Variants in SPG11 observed in about 807,000 individuals in gnomAD.
The protein encoded by SPG11 is SPG11 vesicle trafficking associated, spatacsin, also known as spatacsin.
A neutral mutation model predicts 274.0 loss-of-function variants in SPG11; 222 were observed. The ratio of observed to expected loss-of-function variants is 0.81; its 90% CI spans 0.73 to 0.91. The LOEUF is 0.91. Ranked by LOEUF, SPG11 falls within the 40% of genes least tolerant of loss-of-function variation. SPG11 has a pLI of 0.00. For synonymous variants in SPG11, 1,144 were observed against 1,039.7 expected, an observed-to-expected ratio of 1.10 and a Z score of -1.93; for missense variants, 3,114 against 2,872.7, an observed-to-expected ratio of 1.08 and a Z score of -1.92.
At position 44,566,269 on chromosome 15, in the gene SPG11, AGTT is replaced by A. The variant is rs1384234762; in HGVS notation, c.6788_6790del (p.Gln2263del). 5 of 1,614,088 alleles carry A rather than the reference AGTT, an allele frequency of 3.1e-6. No individual in the cohort carries two copies. Among genetic ancestry groups the A allele is most frequent in the African/African-American group, 2.7e-5 (2 of 74,936 alleles). On this transcript the variant is annotated inframe_deletion, in exon 37 of 40. Coordinates refer to ENST00000261866, the MANE Select transcript of SPG11 (RefSeq NM_025137.4). ...CATCAGAGTCAGGGCCTTCAGCAGC[AGTT>A]GTTTCAGCTGGTGCCCATCCTTGAG...
chr15:44,636,591 G>T (rs142114724), intron 7 of SPG11, among the ~76,000 whole-genome samples: 1 of 151,844 alleles, frequency 6.6e-6, no homozygotes, highest in Non-Finnish European at 1.5e-5. Flanking sequence ...GAACCTGGGC[G>T]GCGGAGCTTG....
intron 36 of SPG11, among the ~76,000 whole-genome samples, chr15:44,566,774 A>C (rs1328727015): frequency 6.6e-6 from 1 of 152,080 alleles, no homozygotes; most frequent in East Asian, 1.9e-4. Context: ...ATCTTGGCTC[A>C]CTGCAACCTC....
In SPG11 at chr15:44,663,560, AC is replaced by A; in HGVS notation, c.87del (p.Leu30TrpfsTer28). The A allele has an allele frequency of 6.3e-7, 1 of 1,597,738 alleles. No homozygotes were observed. Among genetic ancestry groups the A allele is most frequent in the South Asian group, 1.1e-5 (1 of 89,316 alleles). ...ATCGCCTCGGCGGGGACTGGCACCA[AC>A]AGCATCGGTAGAACCCGCCCCATGG... ...TAAMGRVLPM[L>X]LVPVPAEAMG... On this transcript the variant is annotated frameshift_variant, in exon 1 of 40. Transcript: ENST00000261866. LOFTEE classifies it high-confidence loss of function.
At chr15:44,642,364 C>CAAAAAAAA (rs36011354) in intron 7 of SPG11, among the ~76,000 whole-genome samples, 3 of 44,340 alleles carry the variant, frequency 6.8e-5, no homozygotes, top group Non-Finnish European at 1.1e-4. Context: ...GACTCCATCT[C>CAAAAAAAA]AAAAAAAAAA....
Position 44,567,156 on chromosome 15 carries a change from C to G in SPG11, c.6754+268G>C, listed in dbSNP as rs148202668. On this transcript the variant is annotated intron_variant, in intron 36 of 39. Transcript: ENST00000261866. Reference sequence around the variant, plus strand: ...CACCAGGTCAGGAGTTCAAGACCAGCCTGGCCAACATAGTCAAACCCCATC... The same window carrying G: ...CACCAGGTCAGGAGTTCAAGACCAGGCTGGCCAACATAGTCAAACCCCATC... Among the ~76,000 whole-genome samples, 347 of 152,042 alleles carry G rather than the reference C, an allele frequency of 2.3e-3. 2 individuals are homozygous for G. The highest frequency in any genetic ancestry group is 7.9e-3 in the African/African-American group (326 of 41,514).
intron 17 of SPG11, among the ~76,000 whole-genome samples, chr15:44,612,746 A>C (rs1035284804): frequency 2.2e-4 from 34 of 151,932 alleles, no homozygotes; most frequent in Non-Finnish European, 1.3e-4. Context: ...TTTTTTTAAC[A>C]ATGAACATAT....
chr15:44,628,800 A>G lies in SPG11; in HGVS notation c.1936T>C (p.Tyr646His). Reference protein sequence around the residue: ...LQKGVNILTSYINELRTFMIK... With the variant: ...LQKGVNILTSHINELRTFMIK... ...ATGAAGGTTCGAAGTTCATTAATGT[A>G]GCTAGTCAAAATGTTCACTCCTTTT... The change falls in exon 10 of 40, where the codon TAC becomes CAC. Residue 646 changes from tyrosine to histidine, a missense_variant. Transcript: ENST00000261866. The G allele has an allele frequency of 1.2e-6, 2 of 1,613,664 alleles. No individual in the cohort carries two copies. Among genetic ancestry groups the G allele is most frequent in the Non-Finnish European group, 1.7e-6 (2 of 1,179,944 alleles).
At chr15:44,624,378 C>T (rs1019838257) in intron 11 of SPG11, among the ~76,000 whole-genome samples, 9 of 151,228 alleles carry the variant, frequency 6.0e-5, no homozygotes, top group African/African-American at 2.2e-4. Flanking sequence ...TTTTAAACAA[C>T]ATGGCTGAAC....
chr15:44,597,586 C>G (rs1595862318), intron 23 of SPG11, among the ~76,000 whole-genome samples: 2 of 152,190 alleles, frequency 1.3e-5, no homozygotes, highest in South Asian at 4.1e-4. Context: ...ATTTCTCTTG[C>G]TCTATTCACT....
chr15:44,601,717 C>T (rs2083194895), intron 20 of SPG11, among the ~76,000 whole-genome samples: 3 of 152,060 alleles, frequency 2.0e-5, no homozygotes, highest in Non-Finnish European at 4.4e-5. Context: ...TGCCACCACA[C>T]CTAGCTAATT....
At position 44,596,770 on chromosome 15, in the gene SPG11, A is replaced by C; in HGVS notation, c.4161+14T>G. On this transcript the variant is annotated intron_variant, in intron 24 of 39. Transcript: ENST00000261866. ...TATTTCCTTTTGAGTGACTGCTAAC[A>C]ATTAGTGGCTTACCTCTGCTGGGTG... The C allele has an allele frequency of 6.2e-7, 1 of 1,610,452 alleles. No individual in the cohort carries two copies.
At chr15:44,587,266 A>G (rs1194349555) in intron 28 of SPG11, among the ~76,000 whole-genome samples, 5 of 152,214 alleles carry the variant, frequency 3.3e-5, no homozygotes, top group East Asian at 1.9e-4. Context: ...GTGTCCTACC[A>G]TAAGAGAGGG....
In SPG11 at chr15:44,565,957, G is replaced by T. The variant is rs780006264; in HGVS notation, c.6896C>A (p.Thr2299Asn). The T allele has an allele frequency of 1.2e-6, 2 of 1,614,060 alleles. No individual in the cohort carries two copies. The highest frequency in any genetic ancestry group is 1.7e-6 in the Non-Finnish European group (2 of 1,180,036). ...AGTGTTCAGAAAGTGAATCTGCAGA[G>T]TTATCAACTTGGTGAGCCGCTGACA... ...QHCQRLTKLI[T>N]LQIHFLNTGQ... is the part of the protein sequence containing the mutation. Residue 2299 changes from threonine (T) to asparagine (N), a missense_variant, in exon 38 of 40, where the codon ACT becomes AAT. Physicochemically the swap from Thr to Asn is moderately conservative, Grantham distance 65 (BLOSUM62 0). Coordinates refer to ENST00000261866, the MANE Select transcript of SPG11 (RefSeq NM_025137.4).
Position 44,583,964 on chromosome 15 carries a change from G to GT in SPG11, c.5715_5716insA (p.Pro1906ThrfsTer18). On this transcript the variant is annotated frameshift_variant, in exon 30 of 40. Transcript: ENST00000261866. LOFTEE classifies it high-confidence loss of function. ...CAGTGCAATACCAAGGCGACATCTG[G>GT]ATTATAAAAATGAAAATACCGGCAT... The GT allele has an allele frequency of 6.2e-7, 1 of 1,614,182 alleles. No individual in the cohort carries two copies. The highest frequency in any genetic ancestry group is 8.5e-7 in the Non-Finnish European group (1 of 1,180,036).
rs772568386 is a variant in SPG11 at position 44,629,321 on chromosome 15, G to A, written c.1803C>T (p.Pro601=). The A allele has an allele frequency of 1.7e-5, 27 of 1,614,054 alleles. No individual in the cohort carries two copies. In the South Asian group the frequency reaches 3.0e-4, roughly 18 times the overall value. Residue 601 remains proline, a synonymous_variant, in exon 9 of 40, where the codon CCC becomes CCT. Coordinates refer to ENST00000261866, the MANE Select transcript of SPG11 (RefSeq NM_025137.4). ...CSAIRESYSE[P]QSKHFSEQLL... ...ATTGTTCTGAAAAGTGTTTGCTTTG[G>A]GGTTCAGAATAACTTTCTCTAATTG... is the stretch of plus-strand genomic sequence containing the variant.
In SPG11 at chr15:44,569,515, G is replaced by A; in HGVS notation, c.6478-10C>T. 1 of 1,568,554 alleles carries A rather than the reference G, an allele frequency of 6.4e-7. No individual in the cohort carries two copies. The highest frequency in any genetic ancestry group is 8.7e-7 in the Non-Finnish European group (1 of 1,152,648). On this transcript the variant is annotated splice_polypyrimidine_tract_variant and intron_variant, in intron 34 of 39. Coordinates refer to ENST00000261866, the MANE Select transcript of SPG11 (RefSeq NM_025137.4). ...CAGTGAGGAGCCGTACCTGTGAAGT[G>A]GGAGGACAGCTCGCATCAGCATCAC...
chr15:44,624,349 G>C (rs1271517110), intron 11 of SPG11, among the ~76,000 whole-genome samples: 2 of 151,758 alleles, frequency 1.3e-5, no homozygotes, highest in South Asian at 4.2e-4. Context: ...AAAAGAGAGA[G>C]AGAGAGGAAA....
chr15:44,595,869 C>T (rs1046693657), intron 25 of SPG11, among the ~76,000 whole-genome samples: 1 of 152,200 alleles, frequency 6.6e-6, no homozygotes, highest in Non-Finnish European at 1.5e-5. Context: ...AGGCTCTGAT[C>T]ACTTGAGTTC....
intron 8 of SPG11, among the ~76,000 whole-genome samples, chr15:44,629,708 T>G (rs2084003390): frequency 1.3e-5 from 2 of 152,220 alleles, no homozygotes; most frequent in South Asian, 4.1e-4. Context: ...GTGTATTATA[T>G]TCTCTTTCCA....
Sources: allele counts gnomAD v4.1 joint callset (sites outside exome capture counted in the v4.1 genomes callset), GRCh38; gene constraint gnomAD v4.1.1; transcripts MANE v1.5; gene names NCBI Gene and HGNC (gene_info 2026-07-23, HGNC 2026-07-21).